MRPS31: variants seen among roughly 807,000 people sequenced by gnomAD.
MRPS31 encodes small ribosomal subunit protein mS31.
In MRPS31, 32 loss-of-function variants were observed where a neutral mutation model predicts 43.1. The ratio of observed to expected loss-of-function variants is 0.74; its 90% CI spans 0.56 to 1.00. The LOEUF (loss-of-function observed/expected upper bound fraction) is 1.00, where lower values mean the gene tolerates loss of function less well. Among genes scored for constraint, MRPS31 ranks in the 50% least tolerant of loss-of-function variants. MRPS31 has a pLI of 0.00. For synonymous variants in MRPS31, 165 were observed against 161.6 expected, an observed-to-expected ratio of 1.02 and a Z score of -0.16; for missense variants, 437 against 466.7, an observed-to-expected ratio of 0.94 and a Z score of 0.59.
At chr13:40,766,558 G>A (rs1380587789) in intron 2 of MRPS31, among the ~76,000 whole-genome samples, 188 bp downstream of exon 2, 5 of 151,982 alleles carry the variant, frequency 3.3e-5, no homozygotes, top group Non-Finnish European at 7.4e-5. Context: ...TCCTCCCAAA[G>A]TGCTGGGATT....
At chr13:40,733,959 CAAAA>C (rs61512285) in intron 6 of MRPS31, among the ~76,000 whole-genome samples, 4 of 56,654 alleles carry the variant, frequency 7.1e-5, no homozygotes, top group Admixed American at 2.4e-4. Context: ...GACTCTGACT[CAAAA>C]AAAAAAAAAA....
At chr13:40,735,087 G>C (rs113218351) in intron 6 of MRPS31, among the ~76,000 whole-genome samples, 1 of 152,228 alleles carries the variant, frequency 6.6e-6, no homozygotes, top group East Asian at 1.9e-4. Context: ...CACCTTGCGC[G>C]AGCCGAAAGA....
intron 3 of MRPS31, among the ~76,000 whole-genome samples, chr13:40,757,670 T>C (rs1880568367): frequency 6.6e-6 from 1 of 151,036 alleles, no homozygotes; most frequent in Non-Finnish European, 1.5e-5. Context: ...GGTCTTGATC[T>C]CCTGACGTGG....
At chr13:40,755,393 T>C (rs1593449409) in intron 4 of MRPS31, among the ~76,000 whole-genome samples, 2 of 152,236 alleles carry the variant, frequency 1.3e-5, no homozygotes, top group East Asian at 3.8e-4. Flanking sequence ...AGAGAGGGAA[T>C]GGACATTTGC....
At position 40,729,318 on chromosome 13, in the gene MRPS31, T is replaced by G. The variant is rs1879592675; in HGVS notation, c.*54A>C. 14 of 880,456 alleles carry G rather than the reference T, an allele frequency of 1.6e-5. No individual in the cohort carries two copies. Among genetic ancestry groups the G allele is most frequent in the Non-Finnish European group, 2.3e-5 (13 of 573,222 alleles). 54.5% of individuals were successfully genotyped at this position (880,456 alleles called of 1,614,324 possible). A position where few individuals can be genotyped will look rare whatever the true frequency, so the allele number is the denominator to read the frequency against. Reference sequence around the variant, plus strand: ...ATATACAAACTCTAGTAAAATTATTTTATTTAGTTGTAATATCCATCTCTA... The same window carrying G: ...ATATACAAACTCTAGTAAAATTATTGTATTTAGTTGTAATATCCATCTCTA... On this transcript the variant is annotated 3_prime_UTR_variant, in exon 7 of 7. Coordinates refer to ENST00000323563, the MANE Select transcript of MRPS31 (RefSeq NM_005830.4).
intron 2 of MRPS31, among the ~76,000 whole-genome samples, chr13:40,761,940 G>C (rs1457264200): frequency 1.3e-5 from 2 of 150,032 alleles, no homozygotes; most frequent in Non-Finnish European, 3.0e-5. Flanking sequence ...AAAAAAGAAA[G>C]AAAGAAAGAA....
intron 1 of MRPS31, among the ~76,000 whole-genome samples, chr13:40,770,031 T>C (rs1340426596): frequency 6.6e-6 from 1 of 152,228 alleles, no homozygotes; most frequent in Non-Finnish European, 1.5e-5. Context: ...TTCTAAAAAT[T>C]ATAATATATG....
At chr13:40,761,743 T>C (rs1401283350) in intron 2 of MRPS31, among the ~76,000 whole-genome samples, 1 of 152,152 alleles carries the variant, frequency 6.6e-6, no homozygotes, top group Non-Finnish European at 1.5e-5. Context: ...ATAAACTGTA[T>C]GACATACAAT....
intron 1 of MRPS31, among the ~76,000 whole-genome samples, chr13:40,768,769 C>T (rs534573453): frequency 2.6e-5 from 4 of 152,320 alleles, no homozygotes; most frequent in African/African-American, 9.6e-5. Flanking sequence ...CCAGGAGACA[C>T]TTGAGAATTT....
Position 40,756,890 on chromosome 13 carries a change from C to A in MRPS31, c.723G>T (p.Thr241=). 6.2e-7 allele frequency: 1 copy of A among 1,612,732 alleles called. No homozygotes were observed. Among genetic ancestry groups the A allele is most frequent in the Non-Finnish European group, 8.5e-7 (1 of 1,179,652 alleles). Residue 241 remains threonine, a synonymous_variant, in exon 4 of 7, where the codon ACG becomes ACT. Transcript: ENST00000323563. ...GYDNYPGQEK[T]DDLKKRKNIF... The stretch of plus-strand genomic sequence containing the variant: ...CCTGATACCTTTTTTTAAGATCATC[C>A]GTCTTCTCCTGGCCAGGATAATTGT...
intron 6 of MRPS31, among the ~76,000 whole-genome samples, chr13:40,741,471 G>A (rs751897653): frequency 2.6e-5 from 4 of 152,046 alleles, no homozygotes; most frequent in Admixed American, 2.6e-4. Context: ...AGTACAAATA[G>A]CCAATAAACA....
intron 4 of MRPS31, among the ~76,000 whole-genome samples, chr13:40,755,413 A>C (rs1204084700): frequency 1.3e-5 from 2 of 152,240 alleles, no homozygotes; most frequent in African/African-American, 4.8e-5. Context: ...CTGAGCACCT[A>C]CTATGTACCA....
chr13:40,770,854 A>G, intron 1 of MRPS31, 131 bp downstream of exon 1: 1 of 1,246,758 alleles, frequency 8.0e-7, no homozygotes, highest in Non-Finnish European at 1.1e-6. Flanking sequence ...TGGGCAAGTC[A>G]TCTTTTCTTT....
chr13:40,729,730 AT>A (rs35753575), intron 6 of MRPS31, 129 bp from the exon 7 acceptor site: 88,337 of 505,036 alleles, frequency 0.17, no homozygotes, highest in South Asian at 0.24. Flanking sequence ...CCTAGGTTGC[AT>A]TTTTTTTTTT....
chr13:40,730,719 C>T (rs1258001890), intron 6 of MRPS31, among the ~76,000 whole-genome samples: 1 of 151,508 alleles, frequency 6.6e-6, no homozygotes. Context: ...TGCCACCACG[C>T]CCAGCTGATT....
intron 1 of MRPS31, among the ~76,000 whole-genome samples, chr13:40,769,444 A>T (rs1412737460): frequency 1.4e-5 from 2 of 142,040 alleles, no homozygotes; most frequent in African/African-American, 5.1e-5. Context: ...AAAGCCAGAA[A>T]ATGGCAGCCG....
At chr13:40,765,105 T>C (rs1036381004) in intron 2 of MRPS31, among the ~76,000 whole-genome samples, 5 of 152,188 alleles carry the variant, frequency 3.3e-5, no homozygotes, top group Non-Finnish European at 7.3e-5. Context: ...AAGACACCTT[T>C]TTAAAACTCA....
rs150517593 is a variant in MRPS31 at position 40,762,849 on chromosome 13, A to G, written c.441-3743T>C. ...GTGTGTGTGTGTGTGTGTTGTACAT[A>G]TATCTCCTCTCCTACATCCCTCCCC... On this transcript the variant is annotated intron_variant, in intron 2 of 6. Transcript: ENST00000323563. Among the ~76,000 whole-genome samples, 15 of 147,832 alleles carry G rather than the reference A, an allele frequency of 1.0e-4. 1 individual carries two copies. In the East Asian group the frequency reaches 2.5e-3, roughly 25 times the overall value.
At chr13:40,733,281 G>C (rs915860849) in intron 6 of MRPS31, among the ~76,000 whole-genome samples, 2 of 152,096 alleles carry the variant, frequency 1.3e-5, no homozygotes, top group Non-Finnish European at 2.9e-5. Context: ...TGGGATCACA[G>C]GTGTGAGCCA....
Sources: allele counts gnomAD v4.1 joint callset (sites outside exome capture counted in the v4.1 genomes callset), GRCh38; gene constraint gnomAD v4.1.1; transcripts MANE v1.5; gene names NCBI Gene and HGNC (gene_info 2026-07-23, HGNC 2026-07-21).